The following TECPR1 variants were observed in gnomAD, a reference collection of about 807,000 sequenced individuals.
TECPR1 encodes tectonin beta-propeller repeat containing 1, also known as tectonin beta-propeller repeat-containing protein 1.
TECPR1 carries 122 observed loss-of-function variants against 162.4 expected under a neutral mutation model. That is an observed-to-expected ratio of 0.75 (90% CI 0.65 to 0.87). The LOEUF is 0.87. Among genes scored for constraint, TECPR1 ranks in the 40% least tolerant of loss-of-function variants. TECPR1 has a pLI of 0.00. For missense variants in TECPR1, 1,432 were observed against 1,618.2 expected (o/e 0.88, Z 1.97); for synonymous variants, 642 against 670.6 (o/e 0.96, Z 0.66).
chr7:98,246,207 C>T, intron 2 of TECPR1, 42 bp from the exon 3 acceptor site: 1 of 1,285,584 alleles, frequency 7.8e-7, no homozygotes, highest in South Asian at 1.3e-5. Flanking sequence ...GCTCCCAGCC[C>T]AGGGGACATC....
At chr7:98,220,810 C>T (rs539971936) in intron 23 of TECPR1, among the ~76,000 whole-genome samples, 1 of 151,952 alleles carries the variant, frequency 6.6e-6, no homozygotes, top group Non-Finnish European at 1.5e-5. Context: ...CCTGCTCCGG[C>T]CTCCCAAAGT....
intron 22 of TECPR1, 98 bp from the exon 23 acceptor site, chr7:98,221,851 T>A: frequency 1.1e-6 from 1 of 893,218 alleles, no homozygotes; most frequent in Non-Finnish European, 1.8e-6. Flanking sequence ...CTCGGATGTG[T>A]AGCCTGGTGT....
chr7:98,251,575 C>CT (rs1799064315), intron 1 of TECPR1, 27 bp from the exon 2 acceptor site: 1 of 152,366 alleles, frequency 6.6e-6, no homozygotes, highest in Non-Finnish European at 1.5e-5. Flanking sequence ...AGCAGCAGAA[C>CT]TTGCATGGTA....
chr7:98,229,328 A>T (rs921591196), intron 15 of TECPR1, among the ~76,000 whole-genome samples, 162 bp from the exon 16 acceptor site: 3 of 152,110 alleles, frequency 2.0e-5, no homozygotes, highest in Non-Finnish European at 4.4e-5. Context: ...CGTTCATATT[A>T]ATCAACGCTA....
chr7:98,221,639 AT>A, intron 23 of TECPR1, 21 bp downstream of exon 23: 1 of 1,610,912 alleles, frequency 6.2e-7, no homozygotes, highest in Non-Finnish European at 8.5e-7. Context: ...AACATTAAAA[AT>A]TTAAAAAAAG....
intron 16 of TECPR1, 97 bp from the exon 17 acceptor site, chr7:98,228,213 G>C (rs1430024203): frequency 4.1e-6 from 4 of 979,518 alleles, no homozygotes; most frequent in Non-Finnish European, 6.3e-6. Context: ...GAGACGGGGA[G>C]GGCGGGCTGG....
In TECPR1 at chr7:98,240,756, TG is replaced by T. The variant is rs1441673825; in HGVS notation, c.933+94del. 1.3e-5 allele frequency: 14 copies of T among 1,074,124 alleles called. 1 individual carries two copies. Among genetic ancestry groups the T allele is most frequent in the Non-Finnish European group, 1.7e-5 (13 of 749,310 alleles). 66.5% of individuals were successfully genotyped at this position (1,074,124 alleles called of 1,614,324 possible). On this transcript the variant is annotated intron_variant, in intron 8 of 25. Transcript: ENST00000447648. ...TTTAATTTGAGACAGGGTCTCGCTC[TG>T]TCACCCAGGCTGGAGTCCAGTGGTG...
chr7:98,218,819 C>T (rs1798079676), intron 23 of TECPR1, among the ~76,000 whole-genome samples: 2 of 152,004 alleles, frequency 1.3e-5, no homozygotes, highest in African/African-American at 4.8e-5. Context: ...CTGCCCAAAG[C>T]AATCTACAGA....
Position 98,221,704 on chromosome 7 carries a change from C to G in TECPR1, c.3114G>C (p.Gln1038His), listed in dbSNP as rs1206102057. Residue 1038 changes from glutamine (Q) to histidine (H), a missense_variant, in exon 23 of 26, where the codon CAG becomes CAC. Physicochemically the swap from Gln to His is conservative, Grantham distance 24 (BLOSUM62 0). Transcript: ENST00000447648. ...ACACCGACGTCTGCCCCGCGGACACCTGCTTCAGCCTCTGTCTCGGTGGGG... is the reference window on the plus strand; with the variant it reads ...ACACCGACGTCTGCCCCGCGGACACGTGCTTCAGCCTCTGTCTCGGTGGGG... ...IPSPPRQRLK[Q>H]VSAGQTSVYA... The G allele has an allele frequency of 6.2e-7, 1 of 1,613,612 alleles. No individual in the cohort carries two copies. Among genetic ancestry groups the G allele is most frequent in the East Asian group, 2.2e-5 (1 of 44,880 alleles).
Position 98,246,051 on chromosome 7 carries a change from C to A in TECPR1, c.96G>T (p.Gln32His). 6.3e-7 allele frequency: 1 copy of A among 1,578,536 alleles called. No homozygotes were observed. Among genetic ancestry groups the A allele is most frequent in the Non-Finnish European group, 8.6e-7 (1 of 1,162,870 alleles). Residue 32 changes from glutamine (Q) to histidine (H), a missense_variant, in exon 3 of 26, where the codon CAG becomes CAT. Physicochemically the swap from Gln to His is conservative, Grantham distance 24. Transcript: ENST00000447648. ...TGGCGCTGACGCGCTTGAACTCCAG[C>A]TGGGAGTCCTTGCACATTTCCCAGT... is the stretch of plus-strand genomic sequence containing the variant. ...GQYWEMCKDS[Q>H]LEFKRVSATT...
chr7:98,231,845 T>C lies in TECPR1; in HGVS notation c.1933A>G (p.Ser645Gly). ...ACCACATAGTAGATGAAGAGGATGCTGTCCCGGACGCCGTCGTGCCCCGTG... is the reference window on the plus strand; with the variant it reads ...ACCACATAGTAGATGAAGAGGATGCCGTCCCGGACGCCGTCGTGCCCCGTG... ...QFTGHDGVRD[S>G]ILFIYYVVHE... is the part of the protein sequence containing the mutation. The change falls in exon 13 of 26, where the codon AGC becomes GGC. Residue 645 changes from serine to glycine, a missense_variant. Ser to Gly is a moderately conservative substitution (Grantham distance 56). Transcript: ENST00000447648. 1 of 1,612,990 alleles carries C rather than the reference T, an allele frequency of 6.2e-7. No homozygotes were observed. The highest frequency in any genetic ancestry group is 8.5e-7 in the Non-Finnish European group (1 of 1,179,794).
At position 98,232,969 on chromosome 7, in the gene TECPR1, A is replaced by C. The variant is rs914727804; in HGVS notation, c.1676T>G (p.Leu559Arg). The C allele has an allele frequency of 6.2e-7, 1 of 1,605,990 alleles. No homozygotes were observed. The highest frequency in any genetic ancestry group is 1.7e-5 in the Admixed American group (1 of 59,340). Reference sequence around the variant, plus strand: ...GGACAGCATGTGTACCGAGGAGGACAGGCCTGTGGGGCAGAGAGAGCCTCA... The same window carrying C: ...GGACAGCATGTGTACCGAGGAGGACCGGCCTGTGGGGCAGAGAGAGCCTCA... Reference protein sequence around the residue: ...MPRWFTVQAGLSSSVHMLSLS... With the variant: ...MPRWFTVQAGRSSSVHMLSLS... The change falls in exon 12 of 26, where the codon CTG becomes CGG. Residue 559 changes from leucine to arginine, a missense_variant. Coordinates refer to ENST00000447648, the MANE Select transcript of TECPR1 (RefSeq NM_015395.3). The surrounding 1 kb of genome is among the most constrained non-coding windows in gnomAD (Gnocchi z 4.6).
rs536432041 is a variant in TECPR1 at position 98,225,102 on chromosome 7, C to A, written c.2514G>T (p.Arg838Ser). ...ACATGTACCGGTCCGTGGGCAGACC[C>A]CTGCGGCAGGACAACAGGGCAGGTG... ...RWNPVTGYTS[R>S]GLPTDRYMWS... The change falls in exon 18 of 26, where the codon AGG (arginine) becomes AGT (serine). Residue 838 changes from arginine (R) to serine (S), a missense_variant and splice_region_variant. Arg to Ser is a moderately radical substitution (Grantham distance 110, BLOSUM62 -1). Coordinates refer to ENST00000447648, the MANE Select transcript of TECPR1 (RefSeq NM_015395.3). 4 of 1,566,008 alleles carry A rather than the reference C, an allele frequency of 2.6e-6. No homozygotes were observed. Among genetic ancestry groups the A allele is most frequent in the Middle Eastern group, 2.1e-4 (1 of 4,684 alleles).
chr7:98,223,431 T>G (rs1584325040), intron 20 of TECPR1, among the ~76,000 whole-genome samples: 1 of 151,724 alleles, frequency 6.6e-6, no homozygotes, highest in South Asian at 2.1e-4. Flanking sequence ...TATTTGTTCA[T>G]GAAAACAAAC....
Position 98,218,058 on chromosome 7 carries a change from G to A in TECPR1, c.3158-16C>T, listed in dbSNP as rs1798059223. 2 of 1,550,392 alleles carry A rather than the reference G, an allele frequency of 1.3e-6. No individual in the cohort carries two copies. The highest frequency in any genetic ancestry group is 1.7e-6 in the Non-Finnish European group (2 of 1,146,278). ...CACAGGTTTCCTGGGGAGAAAAGCA[G>A]TGAGGGTCAAAGGGGAAGACCTTCC... On this transcript the variant is annotated splice_polypyrimidine_tract_variant and intron_variant, in intron 23 of 25. Transcript: ENST00000447648.
Position 98,241,380 on chromosome 7 carries a change from C to A in TECPR1, c.658-136G>T. The A allele has an allele frequency of 3.0e-6, 3 of 1,002,668 alleles. No individual in the cohort carries two copies. Among genetic ancestry groups the A allele is most frequent in the African/African-American group, 1.6e-5 (1 of 61,520 alleles). 62.1% of individuals were successfully genotyped at this position (1,002,668 alleles called of 1,614,324 possible). A position where few individuals can be genotyped will look rare whatever the true frequency, so the allele number is the denominator to read the frequency against. ...CTCACTCCCTGCCCCCTACCCCGGC[C>A]AAAAAACGCAAACCCTGGATTCCGG... On this transcript the variant is annotated intron_variant, in intron 6 of 25. Transcript: ENST00000447648. This position sits in a 1 kb window ranked among gnomAD's most constrained non-coding sequence, Gnocchi z 5.0.
rs770261401 is a variant in TECPR1 at position 98,222,970 on chromosome 7, T to C, written c.2928+20A>G. On this transcript the variant is annotated intron_variant, in intron 21 of 25. Transcript: ENST00000447648. ...CAAAGGTCTCATTTCAAGAAGAATC[T>C]GTCTGGCCCCGGCACTCACCGCAGG... The C allele has an allele frequency of 1.4e-5, 23 of 1,609,962 alleles. No individual in the cohort carries two copies. In the Admixed American group the frequency reaches 3.9e-4, roughly 27 times the overall value.
intron 16 of TECPR1, chr7:98,228,527 G>A (rs1163783358): frequency 1.3e-5 from 3 of 239,026 alleles, no homozygotes; most frequent in South Asian, 1.3e-4. Context: ...GAAGACAGAG[G>A]TCATTCCTGC....
chr7:98,231,335 G>A lies in TECPR1; in HGVS notation c.2013C>T (p.Val671=). ...HIFLNEVVAL[V]PVLNETKHSF... ...AGTGCTTGGTCTCGTTCAGCACTGG[G>A]ACCAGCGCCACCACCTCATTCAGGA... Residue 671 remains valine, a synonymous_variant, in exon 14 of 26, where the codon GTC becomes GTT. Transcript: ENST00000447648. 4 of 1,610,168 alleles carry A rather than the reference G, an allele frequency of 2.5e-6. No homozygotes were observed. In the South Asian group the frequency reaches 4.4e-5, roughly 18 times the overall value.
Sources: gnomAD v4.1 joint callset for allele counts (sites outside exome capture counted in the v4.1 genomes callset) on GRCh38, gnomAD v4.1.1 for gene constraint, Gnocchi (gnomAD v3.1) non-coding constraint, MANE v1.5 for transcripts, NCBI Gene and HGNC (gene_info 2026-07-23, HGNC 2026-07-21) for gene names.